Variants in ZDHHC21 observed in about 807,000 individuals in gnomAD.
The protein encoded by ZDHHC21 is palmitoyltransferase ZDHHC21.
A neutral mutation model predicts 34.6 loss-of-function variants in ZDHHC21; 15 were observed. The observed-to-expected ratio is 0.43, with a 90% CI of 0.29 to 0.67. The LOEUF is 0.67. Among genes scored for constraint, ZDHHC21 ranks in the 30% least tolerant of loss-of-function variants. ZDHHC21 has a pLI of 0.14. For missense variants in ZDHHC21, 344 were observed against 327.7 expected (o/e 1.05, Z -0.38); for synonymous variants, 142 against 101.8 (o/e 1.40, Z -2.38).
chr9:14,622,459 T>A, intron 8 of ZDHHC21: 1 of 919,148 alleles, frequency 1.1e-6, no homozygotes, highest in Non-Finnish European at 1.3e-6. Context: ...ATCTCTTGGC[T>A]TGATGTTAGG....
the ZDHHC21 span, among the ~76,000 whole-genome samples, chr9:14,603,519 TACTTCTATGAAGACCCAGTAACAAGC>T: frequency 1.3e-5 from 2 of 152,198 alleles, no homozygotes; most frequent in African/African-American, 4.8e-5. Context: ...GTGTGGTTTT[TACTTCTATGAAGACCCAGTAACAAGC>T]ACAACCGTAA....
At chr9:14,626,404 C>T (rs995788506) in intron 8 of ZDHHC21, among the ~76,000 whole-genome samples, 5 of 151,798 alleles carry the variant, frequency 3.3e-5, no homozygotes, top group Non-Finnish European at 7.4e-5. Flanking sequence ...TGTTTAGTTT[C>T]CTTACGAACA....
At position 14,615,096 on chromosome 9, in the gene ZDHHC21, T is replaced by C. The variant is rs1458476588; in HGVS notation, c.*3870A>G. On this transcript the variant is annotated 3_prime_UTR_variant, in exon 10 of 10. Coordinates refer to ENST00000380916, the MANE Select transcript of ZDHHC21 (RefSeq NM_178566.6). ...CATTGTGATTTTATAGCAATACATG[T>C]GAAAACACTCAAACTACCCCATGAT... 1.3e-5 allele frequency: 2 copies of C among 151,690 alleles called. No homozygotes were observed. Among genetic ancestry groups the C allele is most frequent in the African/African-American group, 4.8e-5 (2 of 41,408 alleles). 9.4% of individuals were successfully genotyped at this position (151,690 alleles called of 1,614,324 possible).
chr9:14,618,875 A>C lies in ZDHHC21; in HGVS notation c.*91T>G. 7.3e-7 allele frequency: 1 copy of C among 1,371,064 alleles called. No homozygotes were observed. Among genetic ancestry groups the C allele is most frequent in the Non-Finnish European group, 9.6e-7 (1 of 1,044,580 alleles). The allele number at this position is 1,371,064 out of a possible 1,614,324, so 84.9% of individuals were successfully genotyped here. On this transcript the variant is annotated 3_prime_UTR_variant, in exon 10 of 10. Transcript: ENST00000380916. The stretch of plus-strand genomic sequence containing the variant: ...GCCTAAGACTGGTGGGTGGATTTTA[A>C]TTGACTTGAAGACTGTCATAGTTCT...
chr9:14,660,124 G>A lies in ZDHHC21; in HGVS notation c.366-1237C>T, dbSNP rs188897161. On this transcript the variant is annotated intron_variant, in intron 6 of 9. Transcript: ENST00000380916. ...CTCAAGCCTGTAATCCCAGAACTTT[G>A]GGAGGCCGAGGGGAGCAGATCACCT... 6.1e-3 allele frequency among the ~76,000 whole-genome samples: 935 copies of A among 152,190 alleles called. 15 individuals carry two copies. The highest frequency in any genetic ancestry group is 0.021 in the African/African-American group (883 of 41,518).
chr9:14,637,142 T>G (rs983185330), intron 8 of ZDHHC21, among the ~76,000 whole-genome samples: 1 of 151,454 alleles, frequency 6.6e-6, no homozygotes, highest in Non-Finnish European at 1.5e-5. Flanking sequence ...GATAAACAAG[T>G]GAATAAACCA....
At chr9:14,653,721 A>T (rs543949543) in intron 7 of ZDHHC21, among the ~76,000 whole-genome samples, 1 of 152,000 alleles carries the variant, frequency 6.6e-6, no homozygotes, top group Non-Finnish European at 1.5e-5. Flanking sequence ...TACTGTTTAC[A>T]TAGACTATGA....
In ZDHHC21 at chr9:14,611,575, G is replaced by T. The variant is rs564024317; in HGVS notation, c.*7391C>A. 5 of 152,166 alleles carry T rather than the reference G, an allele frequency of 3.3e-5. No homozygotes were observed. The East Asian group carries it at 7.7e-4, about 23-fold the overall frequency. The allele number at this position is 152,166 out of a possible 1,614,324, so 9.4% of individuals were successfully genotyped here. A position where few individuals can be genotyped will look rare whatever the true frequency, so the allele number is the denominator to read the frequency against. On this transcript the variant is annotated 3_prime_UTR_variant, in exon 10 of 10. Coordinates refer to ENST00000380916, the MANE Select transcript of ZDHHC21 (RefSeq NM_178566.6). ...AAAACAGGATCTTCTTATGCCACTTGTAACATACCACTATTAAAAGCATTT... is the reference window on the plus strand; with the variant it reads ...AAAACAGGATCTTCTTATGCCACTTTTAACATACCACTATTAAAAGCATTT...
intron 8 of ZDHHC21, among the ~76,000 whole-genome samples, chr9:14,636,526 A>G (rs532006301): frequency 1.3e-5 from 2 of 152,294 alleles, no homozygotes; most frequent in African/African-American, 4.8e-5. Context: ...AAGAAACATC[A>G]GATTTAAACT....
chr9:14,672,906 G>T lies in ZDHHC21; in HGVS notation c.177C>A (p.Phe59Leu), dbSNP rs888334892. ...LIIIFYGISI[F>L]CLVALVRASI... is the part of the protein sequence containing the mutation. Reference sequence around the variant, plus strand: ...AGGCCCTCACTAAGGCAACCAGACAGAATATGGAAATGCCATAGAATACTT... The same window carrying T: ...AGGCCCTCACTAAGGCAACCAGACATAATATGGAAATGCCATAGAATACTT... Residue 59 changes from phenylalanine to leucine, a missense_variant, in exon 5 of 10, where the codon TTC becomes TTA. Physicochemically the swap from Phe to Leu is conservative, Grantham distance 22. Transcript: ENST00000380916. The T allele has an allele frequency of 6.2e-7, 1 of 1,600,310 alleles. No individual in the cohort carries two copies. The highest frequency in any genetic ancestry group is 8.5e-7 in the Non-Finnish European group (1 of 1,171,232).
chr9:14,632,775 A>C (rs1418458848), intron 8 of ZDHHC21, among the ~76,000 whole-genome samples: 2 of 152,068 alleles, frequency 1.3e-5, no homozygotes, highest in Non-Finnish European at 2.9e-5. Flanking sequence ...ACCCAATTAA[A>C]ACATGGTCAA....
intron 7 of ZDHHC21, among the ~76,000 whole-genome samples, chr9:14,640,315 A>AG (rs924006469): frequency 6.6e-6 from 1 of 150,428 alleles, no homozygotes; most frequent in South Asian, 2.1e-4. Context: ...GGGGAAAAAA[A>AG]AAAAAAAAAA....
intron 7 of ZDHHC21, among the ~76,000 whole-genome samples, chr9:14,645,611 A>G (rs1240962785): frequency 6.6e-6 from 1 of 152,154 alleles, no homozygotes; most frequent in Non-Finnish European, 1.5e-5. Context: ...GTACATTAAA[A>G]TTTAAAACCT....
chr9:14,601,462 G>C, the ZDHHC21 span, among the ~76,000 whole-genome samples: 1 of 152,298 alleles, frequency 6.6e-6, no homozygotes, highest in South Asian at 2.1e-4. Context: ...TCTCATGCCA[G>C]TTAGAATGAC....
intron 8 of ZDHHC21, among the ~76,000 whole-genome samples, chr9:14,636,673 G>C (rs1350356794): frequency 6.6e-6 from 1 of 151,874 alleles, no homozygotes; most frequent in African/African-American, 2.4e-5. Context: ...CAAGTCTCAA[G>C]AAACATGAAA....
chr9:14,607,367 G>A (rs1048775827), downstream of ZDHHC21, among the ~76,000 whole-genome samples: 9 of 152,152 alleles, frequency 5.9e-5, no homozygotes, highest in African/African-American at 2.2e-4. Flanking sequence ...TTGTGCCACT[G>A]CACTCCAGCC....
Position 14,617,286 on chromosome 9 carries a change from T to C in ZDHHC21, c.*1680A>G, listed in dbSNP as rs1192095964. 6.6e-6 allele frequency: 1 copy of C among 152,006 alleles called. No homozygotes were observed. The highest frequency in any genetic ancestry group is 2.4e-5 in the African/African-American group (1 of 41,436). The allele number at this position is 152,006 out of a possible 1,614,324, so 9.4% of individuals were successfully genotyped here. On this transcript the variant is annotated 3_prime_UTR_variant, in exon 10 of 10. Coordinates refer to ENST00000380916, the MANE Select transcript of ZDHHC21 (RefSeq NM_178566.6). Reference sequence around the variant, plus strand: ...TTTTCAGTACCAATAAATATGTTCGTCTGCTGTATTTCTGTTCGTATTTCT... The same window carrying C: ...TTTTCAGTACCAATAAATATGTTCGCCTGCTGTATTTCTGTTCGTATTTCT...
In ZDHHC21 at chr9:14,672,878, T is replaced by A; in HGVS notation, c.205A>T (p.Ile69Leu). The A allele has an allele frequency of 6.2e-7, 1 of 1,609,032 alleles. No homozygotes were observed. The highest frequency in any genetic ancestry group is 8.5e-7 in the Non-Finnish European group (1 of 1,176,690). Residue 69 changes from isoleucine (I) to leucine (L), a missense_variant, in exon 5 of 10, where the codon ATA becomes TTA. Coordinates refer to ENST00000380916, the MANE Select transcript of ZDHHC21 (RefSeq NM_178566.6). ...TCAGGGAGTCTTCCTGGATCAGTTATGGAGGCCCTCACTAAGGCAACCAGA... is the reference window on the plus strand; with the variant it reads ...TCAGGGAGTCTTCCTGGATCAGTTAAGGAGGCCCTCACTAAGGCAACCAGA... ...FCLVALVRAS[I>L]TDPGRLPENP...
intron 2 of ZDHHC21, among the ~76,000 whole-genome samples, chr9:14,684,100 G>A (rs1324416587): frequency 5.9e-5 from 9 of 151,978 alleles, no homozygotes; most frequent in African/African-American, 2.2e-4. Flanking sequence ...ATATCATACT[G>A]AATGGGCAAA....
Sources: gnomAD v4.1 joint callset for allele counts (sites outside exome capture counted in the v4.1 genomes callset) on GRCh38, gnomAD v4.1.1 for gene constraint, MANE v1.5 for transcripts, NCBI Gene and HGNC (gene_info 2026-07-23, HGNC 2026-07-21) for gene names.